SYNE1: variants seen among roughly 807,000 people sequenced by gnomAD.
SYNE1 encodes the protein spectrin repeat containing nuclear envelope protein 1.
A neutral mutation model predicts 1,111.0 loss-of-function variants in SYNE1; 616 were observed. The observed-to-expected ratio is 0.55, with a 90% confidence interval of 0.52 to 0.59. SYNE1 has a LOEUF of 0.59. Ranked by LOEUF, SYNE1 falls within the 20% of genes least tolerant of loss-of-function variation. SYNE1 has a pLI of 0.00. For synonymous variants in SYNE1, 3,855 were observed against 3,825.8 expected (o/e 1.01, Z -0.28); for missense variants, 10,006 against 10,417.0 (o/e 0.96, Z 1.72).
chr6:152,240,113 C>T (rs933600803), intron 107 of SYNE1, among the ~76,000 whole-genome samples: 9 of 151,948 alleles, frequency 5.9e-5, no homozygotes, highest in African/African-American at 9.7e-5. Flanking sequence ...GAGGAGTGCG[C>T]GAGGAGTCCT....
intron 144 of SYNE1, among the ~76,000 whole-genome samples, 164 bp downstream of exon 144, chr6:152,131,958 C>T (rs1447871685): frequency 6.6e-6 from 1 of 152,136 alleles, no homozygotes; most frequent in African/African-American, 2.4e-5. Context: ...TTCCTGAGCG[C>T]GTGCTGGGAG....
At chr6:152,171,234 C>T (rs2065135217) in intron 130 of SYNE1, among the ~76,000 whole-genome samples, 1 of 152,218 alleles carries the variant, frequency 6.6e-6, no homozygotes, top group Non-Finnish European at 1.5e-5. Context: ...AACCGAGGTG[C>T]TGAGAAGATA....
Position 152,132,143 on chromosome 6 carries a change from G to A in SYNE1, c.26073C>T (p.Ser8691=). The A allele has an allele frequency of 6.2e-7, 1 of 1,614,112 alleles. No individual in the cohort carries two copies. Among genetic ancestry groups the A allele is most frequent in the Non-Finnish European group, 8.5e-7 (1 of 1,179,982 alleles). The change falls in exon 144 of 146, where the codon AGC becomes AGT. Residue 8691 remains serine (S), a synonymous_variant. Coordinates refer to ENST00000367255, the MANE Select transcript of SYNE1 (RefSeq NM_182961.4). The part of the protein sequence containing the change: ...SGSVSPTSGR[S]TPNRQKTPRG... ...TTACCGTTTTCTGTCTGTTTGGGGT[G>A]CTCCTTCCTGATGTGGGACTCACAG...
At chr6:152,369,247 TATTATCTCCA>T in intron 60 of SYNE1, 120 bp from the exon 61 acceptor site, 10 of 1,413,582 alleles carry the variant, frequency 7.1e-6, no homozygotes, top group Non-Finnish European at 9.7e-6. Context: ...CTGGAGGCTT[TATTATCTCCA>T]ATCTACACAC....
intron 56 of SYNE1, chr6:152,380,508 G>A (rs1426902375): frequency 6.2e-6 from 1 of 161,294 alleles, no homozygotes; most frequent in African/African-American, 2.4e-5. Context: ...TCTGTTAACA[G>A]GCTAATTCAA....
intron 84 of SYNE1, chr6:152,320,059 G>T (rs568604679): frequency 7.2e-5 from 11 of 152,330 alleles, no homozygotes; most frequent in African/African-American, 2.6e-4. Context: ...AGCTACTTGG[G>T]AGGCTGAGGC....
chr6:152,606,854 C>G (rs750524684), intron 3 of SYNE1, among the ~76,000 whole-genome samples: 1 of 151,096 alleles, frequency 6.6e-6, no homozygotes, highest in African/African-American at 2.4e-5. Flanking sequence ...TGGGGTTTCA[C>G]CATGTTAGCC....
intron 3 of SYNE1, among the ~76,000 whole-genome samples, chr6:152,605,016 GA>G (rs2099609418): frequency 9.4e-5 from 6 of 63,992 alleles, no homozygotes; most frequent in African/African-American, 3.8e-4. Context: ...AAGAGAGAGA[GA>G]GAGAGAGAGA....
chr6:152,197,258 T>G (rs1198717032), intron 127 of SYNE1, among the ~76,000 whole-genome samples: 1 of 152,250 alleles, frequency 6.6e-6, no homozygotes, highest in Non-Finnish European at 1.5e-5. Flanking sequence ...TTTATTCTTA[T>G]GAAGGCGCTT....
intron 66 of SYNE1, among the ~76,000 whole-genome samples, chr6:152,357,479 A>G (rs1455134794): frequency 6.6e-6 from 1 of 152,128 alleles, no homozygotes; most frequent in Non-Finnish European, 1.5e-5. Context: ...CACTGGTGGG[A>G]CATAAAGTGG....
chr6:152,277,958 T>C (rs2093762626), intron 98 of SYNE1, 131 bp downstream of exon 98: 1 of 964,356 alleles, frequency 1.0e-6, no homozygotes, highest in African/African-American at 1.6e-5. Flanking sequence ...CATGCTAAAA[T>C]GTCAGCGTAA....
chr6:152,456,874 G>T (rs777831225), intron 22 of SYNE1: 10 of 280,414 alleles, frequency 3.6e-5, no homozygotes, highest in Non-Finnish European at 6.5e-5. Context: ...AATATCAAGA[G>T]CATGGTTTTT....
At chr6:152,407,341 G>T in intron 44 of SYNE1, 145 bp from the exon 45 acceptor site, 1 of 778,092 alleles carries the variant, frequency 1.3e-6, no homozygotes, top group Non-Finnish European at 2.1e-6. Context: ...TCTAATAAGT[G>T]CACCCAACTC....
chr6:152,217,026 G>A (rs1398804477), intron 121 of SYNE1, among the ~76,000 whole-genome samples: 1 of 146,234 alleles, frequency 6.8e-6, no homozygotes, highest in Non-Finnish European at 1.5e-5. Flanking sequence ...TCGTGCCACT[G>A]CACTCCAGCC....
intron 3 of SYNE1, among the ~76,000 whole-genome samples, chr6:152,573,336 C>G (rs1212894111): frequency 7.4e-6 from 1 of 134,742 alleles, no homozygotes; most frequent in Non-Finnish European, 1.6e-5. Context: ...CCCCCCTCCC[C>G]CCACCCCACA....
intron 14 of SYNE1, among the ~76,000 whole-genome samples, chr6:152,472,850 G>A (rs1274480719): frequency 6.6e-6 from 1 of 152,188 alleles, no homozygotes; most frequent in Non-Finnish European, 1.5e-5. Context: ...TACTTTGAAT[G>A]CATGCAGACT....
At position 152,149,522 on chromosome 6, in the gene SYNE1, G is replaced by A. The variant is rs374909839; in HGVS notation, c.24597C>T (p.Val8199=). Residue 8199 remains valine (V), a synonymous_variant, in exon 136 of 146, where the codon GTC becomes GTT. Transcript: ENST00000367255. ...LDELRRYCQE[V]FGRVERYHKK... is the part of the protein sequence containing the mutation. ...TATGGTATCTTTCCACACGCCCGAA[G>A]ACCTCCTGGCAGTACCGTCGGAGCT... 5 of 1,614,038 alleles carry A rather than the reference G, an allele frequency of 3.1e-6. No homozygotes were observed. The African/African-American group carries it at 6.7e-5, about 22-fold the overall frequency.
Position 152,359,308 on chromosome 6 carries a change from G to A in SYNE1, c.10443+7C>T, listed in dbSNP as rs770685667. 2 of 1,613,646 alleles carry A rather than the reference G, an allele frequency of 1.2e-6. No homozygotes were observed. Among genetic ancestry groups the A allele is most frequent in the South Asian group, 2.2e-5 (2 of 91,058 alleles). On this transcript the variant is annotated splice_region_variant and intron_variant, in intron 65 of 145. Transcript: ENST00000367255. ...GGTGAGTCTACAAGGAAAGTGCTTT[G>A]CCGTACCTTGGCCCTCTCTTGGATG...
chr6:152,232,287 C>CCAGT (rs757985820), intron 112 of SYNE1, 22 bp from the exon 113 acceptor site: 73 of 1,613,400 alleles, frequency 4.5e-5, no homozygotes, highest in Non-Finnish European at 6.2e-5. Context: ...AGGGAGAGAA[C>CCAGT]CAGTCCCAAG....
Sources: allele counts gnomAD v4.1 joint callset (sites outside exome capture counted in the v4.1 genomes callset), GRCh38; gene constraint gnomAD v4.1.1; transcripts MANE v1.5; gene names NCBI Gene and HGNC (gene_info 2026-07-23, HGNC 2026-07-21).